The following SPECC1L variants were observed in gnomAD, a reference collection of about 807,000 sequenced individuals.
SPECC1L encodes cytospin-A.
Under a neutral mutation model 116.8 loss-of-function variants are expected in SPECC1L, and 40 were observed. The ratio of observed to expected loss-of-function variants is 0.34; its 90% CI spans 0.27 to 0.45. SPECC1L has a LOEUF of 0.45. Ranked by LOEUF, SPECC1L falls within the 20% of genes least tolerant of loss-of-function variation. SPECC1L has a pLI of 1.00. For missense variants in SPECC1L, 1,110 were observed against 1,373.6 expected, an observed-to-expected ratio of 0.81 and a Z score of 3.03; for synonymous variants, 504 against 500.6, an observed-to-expected ratio of 1.01 and a Z score of -0.09.
Position 24,328,846 on chromosome 22 carries a change from A to G in SPECC1L, c.2147A>G (p.Asn716Ser). Reference sequence around the variant, plus strand: ...ATTTAAACTTTGGTGATCTTTTCAGATACAGTTAAAAAACTCCAGGACCAA... The same window carrying G: ...ATTTAAACTTTGGTGATCTTTTCAGGTACAGTTAAAAAACTCCAGGACCAA... Reference protein sequence around the residue: ...HDNLIISDLENTVKKLQDQKH... With the variant: ...HDNLIISDLESTVKKLQDQKH... The change falls in exon 7 of 17, where the codon AAT becomes AGT. Residue 716 changes from asparagine to serine, a missense_variant and splice_region_variant. Asn to Ser is a conservative substitution (Grantham distance 46). Coordinates refer to ENST00000314328, the MANE Select transcript of SPECC1L (RefSeq NM_015330.6). 1 of 1,611,178 alleles carries G rather than the reference A, an allele frequency of 6.2e-7. No individual in the cohort carries two copies. The highest frequency in any genetic ancestry group is 8.5e-7 in the Non-Finnish European group (1 of 1,177,408).
intron 13 of SPECC1L, 112 bp from the exon 14 acceptor site, chr22:24,369,106 G>A: frequency 1.3e-6 from 1 of 761,926 alleles, no homozygotes; most frequent in Non-Finnish European, 2.4e-6. Flanking sequence ...TCTTGCCTTT[G>A]TATTGCCTTA....
chr22:24,308,939 C>T (rs1464298826), intron 3 of SPECC1L, among the ~76,000 whole-genome samples: 1 of 152,186 alleles, frequency 6.6e-6, no homozygotes, highest in East Asian at 1.9e-4. Context: ...GGGAGCCCAT[C>T]AGGCTGGTTC....
chr22:24,307,279 A>G (rs1435061544), intron 3 of SPECC1L, among the ~76,000 whole-genome samples: 1 of 152,198 alleles, frequency 6.6e-6, no homozygotes, highest in Non-Finnish European at 1.5e-5. Flanking sequence ...TAAGGGTTCC[A>G]ATTTTTTCGC....
chr22:24,412,160 G>T, intron 15 of SPECC1L: 1 of 348,482 alleles, frequency 2.9e-6, no homozygotes, highest in Non-Finnish European at 5.6e-6. Flanking sequence ...ATGGTTTAAT[G>T]TTTCATCCAG....
At chr22:24,327,192 C>T (rs1377885079) in intron 6 of SPECC1L, among the ~76,000 whole-genome samples, 2 of 146,594 alleles carry the variant, frequency 1.4e-5, no homozygotes, top group African/African-American at 5.0e-5. Context: ...GCAGGAGAAT[C>T]GCTTGAACCC....
rs111422396 is a variant in SPECC1L, at chr22:24,309,782, CTTGGG to C, written c.154-3527_154-3523del. Among the ~76,000 whole-genome samples, 11 of 152,278 alleles carry C rather than the reference CTTGGG, an allele frequency of 7.2e-5. 1 individual carries two copies. The highest frequency in any genetic ancestry group is 2.2e-4 in the African/African-American group (9 of 41,558). On this transcript the variant is annotated intron_variant, in intron 3 of 16. Transcript: ENST00000314328. ...AAAATACTACCGTGGTGAAAAAATA[CTTGGG>C]TTGTGTTGTTCATTTGAAATACAGT...
At chr22:24,358,186 C>G (rs1377491739) in intron 11 of SPECC1L, among the ~76,000 whole-genome samples, 2 of 149,898 alleles carry the variant, frequency 1.3e-5, no homozygotes, top group Non-Finnish European at 3.0e-5. Flanking sequence ...GTGATCCTCA[C>G]TCACTGCAGT....
chr22:24,289,934 C>T (rs1203497351), intron 2 of SPECC1L, among the ~76,000 whole-genome samples: 1 of 152,198 alleles, frequency 6.6e-6, no homozygotes, highest in Non-Finnish European at 1.5e-5. Context: ...AACAAAGTGT[C>T]TCTGCCTCCT....
chr22:24,330,489 A>G, intron 8 of SPECC1L, 58 bp downstream of exon 8: 1 of 1,574,314 alleles, frequency 6.4e-7, no homozygotes, highest in Non-Finnish European at 8.7e-7. Flanking sequence ...CTTAAATCCC[A>G]ATTTTTGATG....
intron 2 of SPECC1L, among the ~76,000 whole-genome samples, chr22:24,300,414 A>G (rs530129453): frequency 1.1e-4 from 17 of 152,258 alleles, no homozygotes; most frequent in African/African-American, 4.1e-4. Context: ...TGTCTTTGCT[A>G]TTGTAAACAG....
At chr22:24,334,310 C>G in intron 8 of SPECC1L, 100 bp from the exon 9 acceptor site, 5 of 1,269,538 alleles carry the variant, frequency 3.9e-6, no homozygotes, top group Non-Finnish European at 4.5e-6. Flanking sequence ...CCGTGCCCGG[C>G]CATTAAACTG....
chr22:24,290,584 C>T (rs560579256), intron 2 of SPECC1L, among the ~76,000 whole-genome samples: 29 of 152,302 alleles, frequency 1.9e-4, no homozygotes, highest in African/African-American at 7.0e-4. Context: ...TCAGACTGAG[C>T]AGAGAATCAC....
intron 2 of SPECC1L, among the ~76,000 whole-genome samples, chr22:24,289,103 A>C (rs2049108130): frequency 6.6e-6 from 1 of 152,236 alleles, no homozygotes; most frequent in Non-Finnish European, 1.5e-5. Context: ...AAATTGTGCA[A>C]GTTTAAACTG....
chr22:24,372,609 T>G (rs1488848547), intron 14 of SPECC1L, among the ~76,000 whole-genome samples: 1 of 152,164 alleles, frequency 6.6e-6, no homozygotes, highest in Non-Finnish European at 1.5e-5. Flanking sequence ...AAATTAGGTA[T>G]TGATGGGACG....
intron 14 of SPECC1L, among the ~76,000 whole-genome samples, chr22:24,395,014 G>C (rs2042340339): frequency 6.6e-6 from 1 of 152,054 alleles, no homozygotes; most frequent in Admixed American, 6.6e-5. Flanking sequence ...TGTTTTTGTA[G>C]ATAGGGTTTC....
chr22:24,274,227 A>G (rs1408648979), intron 1 of SPECC1L, among the ~76,000 whole-genome samples: 2 of 152,254 alleles, frequency 1.3e-5, no homozygotes, highest in Non-Finnish European at 2.9e-5. Context: ...GTGAAATAAC[A>G]TGACCATTAG....
chr22:24,366,622 T>G (rs929019689), intron 13 of SPECC1L, among the ~76,000 whole-genome samples: 3 of 152,140 alleles, frequency 2.0e-5, no homozygotes, highest in Non-Finnish European at 4.4e-5. Flanking sequence ...TGGACCCAGA[T>G]TTTTCATAAA....
intron 10 of SPECC1L, chr22:24,343,500 G>A (rs889172384): frequency 6.7e-6 from 3 of 444,932 alleles, no homozygotes; most frequent in Admixed American, 4.8e-5. Flanking sequence ...TAGTTCTGTC[G>A]CCCACGCTGG....
chr22:24,308,932 A>C (rs2049557688), intron 3 of SPECC1L, among the ~76,000 whole-genome samples: 1 of 152,158 alleles, frequency 6.6e-6, no homozygotes, highest in Admixed American at 6.5e-5. Flanking sequence ...GTCCACTGGG[A>C]GCCCATCAGG....
Sources: gnomAD v4.1 joint callset for allele counts (sites outside exome capture counted in the v4.1 genomes callset) on GRCh38, gnomAD v4.1.1 for gene constraint, MANE v1.5 for transcripts, NCBI Gene and HGNC (gene_info 2026-07-23, HGNC 2026-07-21) for gene names.